BAIAP2: variants seen among roughly 807,000 people sequenced by gnomAD.
BAIAP2 encodes the protein BAR/IMD domain containing adaptor protein 2.
In BAIAP2, 18 loss-of-function variants were observed where a neutral mutation model predicts 63.0. That is an observed-to-expected ratio of 0.29 (90% CI 0.20 to 0.42). The LOEUF is 0.42. Ranked by LOEUF, BAIAP2 falls within the 10% of genes least tolerant of loss-of-function variation. BAIAP2 has a pLI of 1.00. For missense variants in BAIAP2, 610 were observed against 734.3 expected (o/e 0.83, Z 1.96); for synonymous variants, 386 against 307.6 (o/e 1.25, Z -2.67).
intron 7 of BAIAP2, among the ~76,000 whole-genome samples, chr17:81,100,445 C>T (rs367747959): frequency 6.6e-5 from 10 of 152,294 alleles, no homozygotes; most frequent in Admixed American, 3.3e-4. Flanking sequence ...GCCGGAGTCC[C>T]GGTGGGACAC....
chr17:81,094,764 T>C (rs1466688198), intron 6 of BAIAP2, among the ~76,000 whole-genome samples: 1 of 152,166 alleles, frequency 6.6e-6, no homozygotes, highest in Non-Finnish European at 1.5e-5. Flanking sequence ...GACCATGTGC[T>C]ACTTGGGGCA....
chr17:81,059,097 G>A (rs574340796), intron 3 of BAIAP2, among the ~76,000 whole-genome samples: 1 of 152,236 alleles, frequency 6.6e-6, no homozygotes, highest in South Asian at 2.1e-4. Flanking sequence ...GCCGCACTTC[G>A]CAGCCCCCTG....
chr17:81,063,508 G>A (rs2050942115), intron 3 of BAIAP2, among the ~76,000 whole-genome samples: 1 of 152,242 alleles, frequency 6.6e-6, no homozygotes, highest in African/African-American at 2.4e-5. Context: ...TCTCCTGCGG[G>A]ATGAATTCCA....
chr17:81,060,878 G>A (rs544777778), intron 3 of BAIAP2, among the ~76,000 whole-genome samples: 105 of 152,136 alleles, frequency 6.9e-4, no homozygotes, highest in African/African-American at 2.4e-3. Context: ...ATCCTAGCAC[G>A]TTGGGAGGCT....
At chr17:81,079,108 C>A (rs1048350404) in intron 3 of BAIAP2, among the ~76,000 whole-genome samples, 4 of 152,190 alleles carry the variant, frequency 2.6e-5, no homozygotes, top group African/African-American at 9.7e-5. Context: ...CCAAGCAGAA[C>A]CAACCCGAGG....
At chr17:81,113,303 T>A (rs2060124159) in intron 13 of BAIAP2, among the ~76,000 whole-genome samples, 2 of 152,188 alleles carry the variant, frequency 1.3e-5, no homozygotes, top group Admixed American at 1.3e-4. Context: ...CATTGGGTAG[T>A]TCGTGGCAAT....
intron 6 of BAIAP2, chr17:81,098,095 G>A: frequency 7.4e-7 from 1 of 1,353,656 alleles, no homozygotes; most frequent in Non-Finnish European, 9.6e-7. Context: ...GGTCATGGAG[G>A]GGCCAGCGGG....
At chr17:81,038,622 T>A (rs970717806) in intron 1 of BAIAP2, among the ~76,000 whole-genome samples, 1 of 152,246 alleles carries the variant, frequency 6.6e-6, no homozygotes, top group African/African-American at 2.4e-5. Flanking sequence ...ACAGGGTTCC[T>A]GGAGCCAGGA....
chr17:81,051,682 G>A (rs893412422), intron 1 of BAIAP2, among the ~76,000 whole-genome samples: 2 of 152,010 alleles, frequency 1.3e-5, no homozygotes, highest in Admixed American at 1.3e-4. Flanking sequence ...GTGAGCCACC[G>A]TGTCCGGCCT....
chr17:81,057,827 G>A (rs1249925087), intron 2 of BAIAP2, 54 bp from the exon 3 acceptor site: 21 of 1,575,712 alleles, frequency 1.3e-5, no homozygotes, highest in South Asian at 7.0e-5. Context: ...TTTTGCTGGG[G>A]GTCTTGTCTG....
chr17:81,066,108 T>C (rs1391474464), intron 3 of BAIAP2, among the ~76,000 whole-genome samples: 1 of 152,258 alleles, frequency 6.6e-6, no homozygotes, highest in African/African-American at 2.4e-5. Flanking sequence ...CCAGGCTGTT[T>C]TGCTCAGCCC....
chr17:81,036,347 G>T (rs1015023885), intron 1 of BAIAP2, among the ~76,000 whole-genome samples: 6 of 152,172 alleles, frequency 3.9e-5, no homozygotes, highest in Non-Finnish European at 5.9e-5. Flanking sequence ...AGTGGAGTGG[G>T]TATTTACCCG....
At chr17:81,036,359 C>T (rs193154423) in intron 1 of BAIAP2, among the ~76,000 whole-genome samples, 87 of 152,284 alleles carry the variant, frequency 5.7e-4, no homozygotes, top group Admixed American at 5.5e-3. Context: ...ATTTACCCGG[C>T]AGTCGCTGGT....
chr17:81,093,236 A>G (rs1360355461), intron 6 of BAIAP2, among the ~76,000 whole-genome samples: 1 of 152,106 alleles, frequency 6.6e-6, no homozygotes, highest in Non-Finnish European at 1.5e-5. Context: ...GCCCCTGCTC[A>G]GAATCGCACT....
intron 4 of BAIAP2, 42 bp downstream of exon 4, chr17:81,084,935 G>A: frequency 3.8e-6 from 6 of 1,598,636 alleles, no homozygotes; most frequent in Non-Finnish European, 5.1e-6. Context: ...AGGGGCAGGT[G>A]CGACGGGAGA....
At position 81,035,184 on chromosome 17, in the gene BAIAP2, G is replaced by C. The variant is rs1425587610; in HGVS notation, c.-71G>C. 3 of 1,303,716 alleles carry C rather than the reference G, an allele frequency of 2.3e-6. No homozygotes were observed. The highest frequency in any genetic ancestry group is 6.6e-5 in the East Asian group (2 of 30,388). The allele number at this position is 1,303,716 out of a possible 1,614,324, so 80.8% of individuals were successfully genotyped here. A position where few individuals can be genotyped will look rare whatever the true frequency, so the allele number is the denominator to read the frequency against. ...GGTCCGCTTTCGTCTCCGTCCTGCT[G>C]CCGTTACCGCCGCTGCTGCCGCCGC... is the stretch of plus-strand genomic sequence containing the variant. On this transcript the variant is annotated 5_prime_UTR_variant, in exon 1 of 14. Coordinates refer to ENST00000428708, the MANE Select transcript of BAIAP2 (RefSeq NM_001144888.2).
chr17:81,104,818 T>G (rs1160321390), intron 10 of BAIAP2, 103 bp downstream of exon 10: 1 of 1,291,906 alleles, frequency 7.7e-7, no homozygotes, highest in Non-Finnish European at 1.1e-6. Context: ...AGAGTGGCTG[T>G]GCAGGTTGCG....
chr17:81,113,117 G>A (rs544845854), intron 13 of BAIAP2, among the ~76,000 whole-genome samples: 14 of 152,270 alleles, frequency 9.2e-5, no homozygotes, highest in African/African-American at 3.4e-4. Context: ...CTTGCTTAGG[G>A]GCCTCTGAGG....
chr17:81,057,043 A>G (rs141108598), intron 2 of BAIAP2, among the ~76,000 whole-genome samples: 22 of 152,394 alleles, frequency 1.4e-4, no homozygotes, highest in South Asian at 4.1e-4. Flanking sequence ...TGAAAAGTAT[A>G]TAAATAAAAT....
Sources: gnomAD v4.1 joint callset for allele counts (sites outside exome capture counted in the v4.1 genomes callset) on GRCh38, gnomAD v4.1.1 for gene constraint, MANE v1.5 for transcripts, NCBI Gene and HGNC (gene_info 2026-07-23, HGNC 2026-07-21) for gene names.